LRTM3: variants seen among roughly 807,000 people sequenced by gnomAD.
The protein encoded by LRTM3 is leucine-rich repeat transmembrane protein 3.
the LRTM3 span, chr13:102,746,072 G>A: frequency 1.3e-6 from 2 of 1,551,094 alleles, no homozygotes; most frequent in Non-Finnish European, 1.7e-6. Context: ...TGTTTCGTTG[G>A]CTTTTTGTAG....
At chr13:102,748,010 T>G in the LRTM3 span, 1 of 1,551,086 alleles carries the variant, frequency 6.4e-7, no homozygotes, top group South Asian at 1.2e-5. Context: ...ACAGCTCTTA[T>G]CAATGTATTC....
At chr13:102,746,770 A>C in the LRTM3 span, 1 of 1,551,220 alleles carries the variant, frequency 6.4e-7, no homozygotes, top group Admixed American at 2.0e-5. Context: ...TTTCTCTTGT[A>C]TCACTTCCAT....
the LRTM3 span, among the ~76,000 whole-genome samples, chr13:102,750,984 G>A: frequency 0.73 from 110,688 of 152,070 alleles, 41,174 homozygotes; most frequent in South Asian, 0.84. Context: ...AACAGCATCA[G>A]CATCTTCTGG....
the LRTM3 span, chr13:102,748,289 G>C: frequency 6.4e-7 from 1 of 1,550,844 alleles, no homozygotes; most frequent in Non-Finnish European, 8.7e-7. Flanking sequence ...AAGTATCAAT[G>C]GTTTACTTTC....
At chr13:102,745,629 TC>T in the LRTM3 span, 31 of 1,551,040 alleles carry the variant, frequency 2.0e-5, no homozygotes, top group Non-Finnish European at 2.5e-5. Flanking sequence ...AAGTTTCTCG[TC>T]GTTTTAGGTG....
the LRTM3 span, chr13:102,732,638 A>G: frequency 6.4e-7 from 1 of 1,551,136 alleles, no homozygotes; most frequent in Non-Finnish European, 8.7e-7. Context: ...TTGAGTCTTC[A>G]TTTGAGATTC....
chr13:102,745,151 A>G, the LRTM3 span: 1 of 1,550,580 alleles, frequency 6.4e-7, no homozygotes, highest in South Asian at 1.2e-5. Flanking sequence ...TTGGTTTTCT[A>G]ATTTGTGAAA....
the LRTM3 span, chr13:102,731,067 T>C: frequency 0.39 from 598,294 of 1,550,910 alleles, 117,955 homozygotes; most frequent in Middle Eastern, 0.53. Flanking sequence ...CCTTTTTCTT[T>C]TACTGAGTGG....
At chr13:102,743,097 T>C in the LRTM3 span, 1 of 1,550,424 alleles carries the variant, frequency 6.4e-7, no homozygotes, top group African/African-American at 1.4e-5. Flanking sequence ...AGATATGTGT[T>C]TGCCATGAAG....
the LRTM3 span, chr13:102,739,207 T>C: frequency 1.1e-5 from 17 of 1,550,222 alleles, no homozygotes; most frequent in Middle Eastern, 3.3e-4. Flanking sequence ...TATTGCTCCG[T>C]TGTGGTTCTT....
chr13:102,739,363 A>T, the LRTM3 span: 7 of 1,549,744 alleles, frequency 4.5e-6, no homozygotes, highest in African/African-American at 8.2e-5. Context: ...CATTACTTAA[A>T]CTGTCTCTAT....
At chr13:102,737,147 G>A in the LRTM3 span, 20 of 1,550,998 alleles carry the variant, frequency 1.3e-5, no homozygotes, top group Admixed American at 2.0e-5. Context: ...TGTGCCTTCA[G>A]GTTGCATTAT....
chr13:102,751,974 A>G, the LRTM3 span, among the ~76,000 whole-genome samples: 3 of 152,098 alleles, frequency 2.0e-5, no homozygotes, highest in Non-Finnish European at 4.4e-5. Context: ...TTTCTTTCCT[A>G]AGGGTAAACA....
chr13:102,736,125 C>A, the LRTM3 span: 2 of 1,541,044 alleles, frequency 1.3e-6, no homozygotes, highest in Admixed American at 2.0e-5. Flanking sequence ...TTTGAATTTG[C>A]AAGTCTGCTT....
the LRTM3 span, chr13:102,742,240 A>G: frequency 1.3e-6 from 2 of 1,550,392 alleles, no homozygotes; most frequent in Non-Finnish European, 1.7e-6. Flanking sequence ...TTGCAGTACC[A>G]TACTCAAGCA....
the LRTM3 span, chr13:102,730,175 G>T: frequency 6.4e-7 from 1 of 1,550,416 alleles, no homozygotes; most frequent in Non-Finnish European, 8.7e-7. Context: ...AGTACAATGG[G>T]AACCTGAATC....
At chr13:102,731,175 C>T in the LRTM3 span, 1 of 1,551,402 alleles carries the variant, frequency 6.4e-7, no homozygotes, top group Admixed American at 2.0e-5. Context: ...GTGATTGTCT[C>T]CTCACTGTCA....
the LRTM3 span, chr13:102,749,398 G>A: frequency 6.4e-7 from 1 of 1,551,362 alleles, no homozygotes; most frequent in Non-Finnish European, 8.7e-7. Flanking sequence ...TATCTTCAGT[G>A]ACTAAATTTG....
At chr13:102,753,299 C>T in the LRTM3 span, among the ~76,000 whole-genome samples, 1 of 152,012 alleles carries the variant, frequency 6.6e-6, no homozygotes, top group Non-Finnish European at 1.5e-5. Flanking sequence ...AGGAGGGGAA[C>T]ATCACACACT....
Sources: allele counts gnomAD v4.1 joint callset (sites outside exome capture counted in the v4.1 genomes callset), GRCh38; gene constraint gnomAD v4.1.1; transcripts MANE v1.5; gene names NCBI Gene and HGNC (gene_info 2026-07-23, HGNC 2026-07-21).